IGSF5: variants seen among roughly 807,000 people sequenced by gnomAD.
IGSF5 encodes immunoglobulin superfamily member 5, also known as immunoglobulin superfamily 5 like.
In IGSF5, 41 loss-of-function variants were observed where a neutral mutation model predicts 39.4. The ratio of observed to expected loss-of-function variants is 1.04; its 90% confidence interval spans 0.81 to 1.35. The LOEUF (loss-of-function observed/expected upper bound fraction) is 1.35. Ranked by LOEUF, IGSF5 falls within the 40% of genes most tolerant of loss-of-function variation. IGSF5 has a pLI of 0.00. For missense variants in IGSF5, 487 were observed against 494.6 expected, an observed-to-expected ratio of 0.98 and a Z score of 0.15; for synonymous variants, 183 against 175.3, an observed-to-expected ratio of 1.04 and a Z score of -0.34.
At chr21:39,791,969 G>A in intron 6 of IGSF5, 39 bp from the exon 7 acceptor site, 1 of 1,402,510 alleles carries the variant, frequency 7.1e-7, no homozygotes. Flanking sequence ...CAATGTTAAT[G>A]CCAACAATTA....
In IGSF5 at chr21:39,790,532, C is replaced by T. The variant is rs530841174; in HGVS notation, c.957-1476C>T. On this transcript the variant is annotated intron_variant, in intron 6 of 8. Coordinates refer to ENST00000380588, the MANE Select transcript of IGSF5 (RefSeq NM_001080444.2). ...AATTAGCTGGGCATGTTGGTGCTTTCCTGTAGTCCCAGATACTCAGGAGGC... is the reference window on the plus strand; with the variant it reads ...AATTAGCTGGGCATGTTGGTGCTTTTCTGTAGTCCCAGATACTCAGGAGGC... 3.9e-5 allele frequency among the ~76,000 whole-genome samples: 6 copies of T among 152,210 alleles called. No individual in the cohort carries two copies. In the South Asian group the frequency reaches 1.2e-3, roughly 32 times the overall value.
chr21:39,742,320 A>G (rs2079951893), upstream of IGSF5, among the ~76,000 whole-genome samples: 1 of 152,188 alleles, frequency 6.6e-6, no homozygotes, highest in African/African-American at 2.4e-5. Context: ...TGGCTGGAAG[A>G]AGTATCTAGT....
At chr21:39,797,114 C>T (rs1173455102) in intron 8 of IGSF5, among the ~76,000 whole-genome samples, 3 of 152,046 alleles carry the variant, frequency 2.0e-5, no homozygotes. Context: ...CCTCAATAAA[C>T]AGTTACTCAT....
At chr21:39,765,962 G>T (rs1015927457) in intron 3 of IGSF5, 110 bp downstream of exon 3, 1 of 951,002 alleles carries the variant, frequency 1.1e-6, no homozygotes, top group Non-Finnish European at 1.6e-6. Flanking sequence ...ACCTTCAGTT[G>T]GTGTTGACCT....
At chr21:39,737,767 T>C in the IGSF5 span, among the ~76,000 whole-genome samples, 2 of 152,168 alleles carry the variant, frequency 1.3e-5, no homozygotes, top group Admixed American at 6.5e-5. Context: ...GAAATGAGAC[T>C]GGGCAAAAAG....
the IGSF5 span, among the ~76,000 whole-genome samples, chr21:39,738,729 T>C: frequency 9.8e-3 from 1,486 of 151,602 alleles, 11 homozygotes; most frequent in Middle Eastern, 0.02. The surrounding 1 kb of genome is among the most constrained non-coding windows in gnomAD (Gnocchi z 6.4). Flanking sequence ...TTGTGAAAGA[T>C]TGGGTCATTT....
At chr21:39,746,766 G>T (rs894589364) in intron 2 of IGSF5, among the ~76,000 whole-genome samples, 32 of 152,164 alleles carry the variant, frequency 2.1e-4, no homozygotes, top group Admixed American at 1.6e-3. Context: ...CACTGTCAGG[G>T]CTCTCAGAGT....
chr21:39,747,188 C>T (rs140266502), intron 2 of IGSF5, among the ~76,000 whole-genome samples: 2 of 152,234 alleles, frequency 1.3e-5, no homozygotes, highest in East Asian at 3.9e-4. Flanking sequence ...CAATCATGGC[C>T]GAAGGTGAAA....
At chr21:39,801,151 C>T (rs1316233894) in intron 8 of IGSF5, 111 bp from the exon 9 acceptor site, 3 of 712,158 alleles carry the variant, frequency 4.2e-6, no homozygotes, top group Non-Finnish European at 7.2e-6. Context: ...ATTTTTGTTC[C>T]TCTCCGTACC....
chr21:39,774,182 T>A (rs2080128610), intron 4 of IGSF5, among the ~76,000 whole-genome samples: 1 of 152,172 alleles, frequency 6.6e-6, no homozygotes, highest in South Asian at 2.1e-4. Flanking sequence ...CTGCATGTTG[T>A]GTGTTTTAGG....
At chr21:39,738,634 G>A in the IGSF5 span, among the ~76,000 whole-genome samples, 1 of 152,142 alleles carries the variant, frequency 6.6e-6, no homozygotes, top group Non-Finnish European at 1.5e-5. This position sits in a 1 kb window ranked among gnomAD's most constrained non-coding sequence, Gnocchi z 6.4. Context: ...TTAGCAAAGG[G>A]CAATACACTG....
chr21:39,712,541 G>A, the IGSF5 span, among the ~76,000 whole-genome samples: 4 of 152,212 alleles, frequency 2.6e-5, no homozygotes, highest in South Asian at 8.3e-4. Flanking sequence ...GCTCAGGGTT[G>A]TTCTCTGTGG....
the IGSF5 span, among the ~76,000 whole-genome samples, chr21:39,727,567 C>T: frequency 2.6e-5 from 4 of 152,232 alleles, no homozygotes; most frequent in Admixed American, 1.3e-4. Context: ...TCAGGCAGGT[C>T]ACCCAGACCA....
chr21:39,712,357 A>C, the IGSF5 span, among the ~76,000 whole-genome samples: 1 of 152,182 alleles, frequency 6.6e-6, no homozygotes, highest in Non-Finnish European at 1.5e-5. Context: ...CAAGTCGTGC[A>C]GGATTCACGT....
the IGSF5 span, among the ~76,000 whole-genome samples, chr21:39,724,720 C>G: frequency 1.3e-5 from 2 of 152,200 alleles, no homozygotes; most frequent in African/African-American, 4.8e-5. Context: ...GACTAATACA[C>G]TGGGTGATCA....
chr21:39,783,235 C>G (rs2080180705), intron 5 of IGSF5, among the ~76,000 whole-genome samples: 1 of 152,074 alleles, frequency 6.6e-6, no homozygotes, highest in African/African-American at 2.4e-5. Flanking sequence ...TTGAGATACC[C>G]AGATTGCCTG....
At chr21:39,748,415 A>G (rs1390195543) in intron 2 of IGSF5, among the ~76,000 whole-genome samples, 4 of 146,536 alleles carry the variant, frequency 2.7e-5, no homozygotes, top group African/African-American at 1.0e-4. Context: ...GGTTCAAACA[A>G]TTCTCCTGCC....
chr21:39,755,750 AT>A lies in IGSF5; in HGVS notation c.100+9454del, dbSNP rs535087741. ...GGATTTGCTGAGTCTATTGTAGATT[AT>A]TGCAAGGGGCTGGGTCCCACAGTGA... is the stretch of plus-strand genomic sequence containing the variant. On this transcript the variant is annotated intron_variant, in intron 2 of 8. Coordinates refer to ENST00000380588, the MANE Select transcript of IGSF5 (RefSeq NM_001080444.2). Among the ~76,000 whole-genome samples the A allele has an allele frequency of 2.6e-4, 39 of 152,214 alleles. No homozygotes were observed. The East Asian group carries it at 7.5e-3, about 29-fold the overall frequency.
At chr21:39,780,276 G>T (rs558266945) in intron 5 of IGSF5, among the ~76,000 whole-genome samples, 4 of 152,266 alleles carry the variant, frequency 2.6e-5, no homozygotes, top group African/African-American at 9.6e-5. Flanking sequence ...AGAAACGGTG[G>T]CAAATTCTTG....
Sources: allele counts gnomAD v4.1 joint callset (sites outside exome capture counted in the v4.1 genomes callset), GRCh38; gene constraint gnomAD v4.1.1; non-coding constraint Gnocchi (gnomAD v3.1); transcripts MANE v1.5; gene names NCBI Gene and HGNC (gene_info 2026-07-23, HGNC 2026-07-21).